The following SPAG16 variants were observed in gnomAD, a reference collection of about 807,000 sequenced individuals.
The protein encoded by SPAG16 is sperm-associated antigen 16 protein.
Under a neutral mutation model 80.4 loss-of-function variants are expected in SPAG16, and 86 were observed. The ratio of observed to expected loss-of-function variants is 1.07; its 90% CI spans 0.90 to 1.28. SPAG16 has a LOEUF of 1.28. Among genes scored for constraint, SPAG16 ranks in the 50% most tolerant of loss-of-function variants. The pLI is 0.00. For missense variants in SPAG16, 870 were observed against 765.3 expected, an observed-to-expected ratio of 1.14 and a Z score of -1.61; for synonymous variants, 294 against 265.9, an observed-to-expected ratio of 1.11 and a Z score of -1.03.
rs1196244005 is a variant in SPAG16, at chr2:214,223,728, T to G, written c.1720+74462T>G. On this transcript the variant is annotated intron_variant, in intron 15 of 15. Transcript: ENST00000331683. ...TTAAGTGCAAAGTTTAATGATATAC[T>G]GTACCAGAGATATAAATATAAGTAA... 2.6e-5 allele frequency among the ~76,000 whole-genome samples: 4 copies of G among 152,162 alleles called. No individual in the cohort carries two copies. In the East Asian group the frequency reaches 7.7e-4, roughly 29 times the overall value.
At chr2:213,552,976 G>T (rs1196580872) in intron 10 of SPAG16, among the ~76,000 whole-genome samples, 1 of 152,204 alleles carries the variant, frequency 6.6e-6, no homozygotes, top group Non-Finnish European at 1.5e-5. Flanking sequence ...TTCAGCCACA[G>T]ACTGAAGGCT....
At chr2:213,676,389 A>G (rs1301213849) in intron 10 of SPAG16, among the ~76,000 whole-genome samples, 18 of 147,668 alleles carry the variant, frequency 1.2e-4, no homozygotes, top group African/African-American at 2.0e-4. Flanking sequence ...TCTCCTGCCT[A>G]ATTGCCCTGG....
At position 214,001,147 on chromosome 2, in the gene SPAG16, G is replaced by C. The variant is rs140814862; in HGVS notation, c.1401-12804G>C. Among the ~76,000 whole-genome samples, 65 of 152,152 alleles carry C rather than the reference G, an allele frequency of 4.3e-4. 1 individual carries two copies. In the East Asian group the frequency reaches 0.012, roughly 28 times the overall value. Reference sequence around the variant, plus strand: ...AGTTTGAATAAAATATTTTAGAAGAGGTTTTTGAATTTAGAGTTTATGAGG... The same window carrying C: ...AGTTTGAATAAAATATTTTAGAAGACGTTTTTGAATTTAGAGTTTATGAGG... On this transcript the variant is annotated intron_variant, in intron 12 of 15. Coordinates refer to ENST00000331683, the MANE Select transcript of SPAG16 (RefSeq NM_024532.5).
At chr2:213,657,514 A>G (rs2063264722) in intron 10 of SPAG16, among the ~76,000 whole-genome samples, 1 of 152,338 alleles carries the variant, frequency 6.6e-6, no homozygotes, top group Non-Finnish European at 1.5e-5. Context: ...TAAAGGATAA[A>G]TGATTTAGAG....
chr2:213,392,531 A>T (rs1197857094), intron 9 of SPAG16, among the ~76,000 whole-genome samples: 1 of 152,284 alleles, frequency 6.6e-6, no homozygotes, highest in East Asian at 1.9e-4. Flanking sequence ...TGCAAATGGG[A>T]ATTTTAATAC....
intron 10 of SPAG16, among the ~76,000 whole-genome samples, chr2:213,549,029 G>A (rs963943553): frequency 3.3e-5 from 5 of 151,418 alleles, no homozygotes; most frequent in East Asian, 3.9e-4. Flanking sequence ...TTCTTTTCTC[G>A]TTATATTTAA....
chr2:213,869,022 C>T (rs1333891375), intron 11 of SPAG16, among the ~76,000 whole-genome samples: 1 of 151,648 alleles, frequency 6.6e-6, no homozygotes, highest in Non-Finnish European at 1.5e-5. Flanking sequence ...GAGGCTGAGG[C>T]AGGCGGATCA....
intron 10 of SPAG16, among the ~76,000 whole-genome samples, chr2:213,836,795 G>C (rs1247058781): frequency 6.6e-6 from 1 of 151,912 alleles, no homozygotes; most frequent in Non-Finnish European, 1.5e-5. Context: ...TGTATTTTCA[G>C]TAGAGATGGG....
chr2:213,603,420 G>C (rs1243625384), intron 10 of SPAG16, among the ~76,000 whole-genome samples: 3 of 152,132 alleles, frequency 2.0e-5, no homozygotes, highest in Non-Finnish European at 2.9e-5. Context: ...GCCATGTTTT[G>C]ATGAAAAGTT....
intron 13 of SPAG16, among the ~76,000 whole-genome samples, chr2:214,088,003 T>C (rs193232811): frequency 1.6e-3 from 236 of 152,168 alleles, no homozygotes; most frequent in African/African-American, 5.2e-3. Context: ...ACCTGATATG[T>C]AAACAGAAAA....
At chr2:214,260,448 A>G (rs1176080063) in intron 15 of SPAG16, among the ~76,000 whole-genome samples, 1 of 151,906 alleles carries the variant, frequency 6.6e-6, no homozygotes, top group Non-Finnish European at 1.5e-5. Context: ...CTTCCCAGGG[A>G]GTATTTCCAC....
At chr2:213,595,856 GTATT>G (rs889641517) in intron 10 of SPAG16, among the ~76,000 whole-genome samples, 35 of 152,112 alleles carry the variant, frequency 2.3e-4, no homozygotes, top group Admixed American at 5.2e-4. Context: ...TTAAAATAGA[GTATT>G]TATTCTGCAA....
chr2:214,370,917 A>G (rs1699772625), intron 15 of SPAG16, among the ~76,000 whole-genome samples: 1 of 152,320 alleles, frequency 6.6e-6, no homozygotes, highest in East Asian at 1.9e-4. Flanking sequence ...ACTTGGGCCA[A>G]GTCTCTATAC....
intron 13 of SPAG16, among the ~76,000 whole-genome samples, chr2:214,025,132 G>A (rs184897529): frequency 6.6e-6 from 1 of 151,698 alleles, no homozygotes; most frequent in East Asian, 1.9e-4. Flanking sequence ...ATCAAAAAGG[G>A]TCAGTTACGT....
chr2:213,666,045 C>T (rs1234563716), intron 10 of SPAG16, among the ~76,000 whole-genome samples: 1 of 152,146 alleles, frequency 6.6e-6, no homozygotes, highest in Non-Finnish European at 1.5e-5. Flanking sequence ...CGTGAAAGCA[C>T]TGTGAGCATT....
intron 9 of SPAG16, among the ~76,000 whole-genome samples, chr2:213,398,906 G>T (rs73990341): frequency 0.098 from 14,909 of 152,108 alleles, 1,906 homozygotes; most frequent in African/African-American, 0.29. Flanking sequence ...TAAATTTGAA[G>T]GAATGCATAA....
intron 14 of SPAG16, 75 bp from the exon 15 acceptor site, chr2:214,149,061 ATATG>A (rs1465950061): frequency 6.6e-5 from 21 of 318,190 alleles, no homozygotes; most frequent in African/African-American, 1.7e-4. Context: ...GTGTATATAT[ATATG>A]TGTGTGTGTG....
chr2:213,702,374 T>G (rs1029817152), intron 10 of SPAG16, among the ~76,000 whole-genome samples: 5 of 152,230 alleles, frequency 3.3e-5, no homozygotes, highest in African/African-American at 7.2e-5. Context: ...CAATAAATCT[T>G]GCTGCTGCTG....
chr2:214,361,493 A>G (rs1425385227), intron 15 of SPAG16, among the ~76,000 whole-genome samples: 1 of 151,854 alleles, frequency 6.6e-6, no homozygotes, highest in Admixed American at 6.6e-5. Flanking sequence ...TAACCGTGAG[A>G]TCACTCCTTA....
Sources: gnomAD v4.1 joint callset for allele counts (sites outside exome capture counted in the v4.1 genomes callset) on GRCh38, gnomAD v4.1.1 for gene constraint, MANE v1.5 for transcripts, NCBI Gene and HGNC (gene_info 2026-07-23, HGNC 2026-07-21) for gene names.